Variants in PHACTR3 observed in about 807,000 individuals in gnomAD.
PHACTR3 encodes protein phosphatase 1, regulatory subunit 123.
A neutral mutation model predicts 66.8 loss-of-function variants in PHACTR3; 16 were observed. The observed-to-expected ratio is 0.24, with a 90% CI of 0.16 to 0.36. The LOEUF is 0.36. PHACTR3 is among the 10% of genes least tolerant of loss of function. The probability of loss-of-function intolerance (pLI) is 1.00; values close to 1 mark genes in which losing one functional copy is unlikely to be tolerated. For synonymous variants in PHACTR3, 323 were observed against 292.1 expected (o/e 1.11, Z -1.08); for missense variants, 647 against 719.9 (o/e 0.90, Z 1.16).
chr20:59,669,518 G>A (rs917259619), intron 1 of PHACTR3, among the ~76,000 whole-genome samples: 1 of 152,214 alleles, frequency 6.6e-6, no homozygotes, highest in African/African-American at 2.4e-5. Flanking sequence ...GCAGTGTACT[G>A]TTCAATGGTT....
chr20:59,592,104 T>C (rs2033200268), intron 1 of PHACTR3, among the ~76,000 whole-genome samples: 1 of 152,134 alleles, frequency 6.6e-6, no homozygotes, highest in African/African-American at 2.4e-5. Context: ...TTGATATTTC[T>C]ATTAACAGTG....
At chr20:59,761,262 C>A (rs888841442) in intron 4 of PHACTR3, among the ~76,000 whole-genome samples, 2 of 152,222 alleles carry the variant, frequency 1.3e-5, no homozygotes, top group Middle Eastern at 3.4e-3. Context: ...TAGCTGGTGG[C>A]TGCCCTTAAC....
intron 1 of PHACTR3, among the ~76,000 whole-genome samples, chr20:59,610,974 G>A (rs2146344091): frequency 6.6e-6 from 1 of 152,368 alleles, no homozygotes; most frequent in South Asian, 2.1e-4. Flanking sequence ...TTTCAATTTA[G>A]TGAGCTTTCC....
intron 12 of PHACTR3, 36 bp from the exon 13 acceptor site, chr20:59,847,079 T>C: frequency 7.0e-7 from 1 of 1,434,880 alleles, no homozygotes; most frequent in Non-Finnish European, 9.7e-7. Flanking sequence ...TAGAAATGAA[T>C]AACCTTAAAT....
chr20:59,606,248 C>T (rs2033664845), intron 1 of PHACTR3, among the ~76,000 whole-genome samples: 1 of 152,102 alleles, frequency 6.6e-6, no homozygotes, highest in South Asian at 2.1e-4. Context: ...ACCAGAGCTT[C>T]CCGATAAACT....
intron 1 of PHACTR3, among the ~76,000 whole-genome samples, chr20:59,649,735 T>A (rs137896560): frequency 1.4e-4 from 22 of 152,298 alleles, no homozygotes; most frequent in Admixed American, 9.2e-4. Flanking sequence ...CACTGATAAG[T>A]TGGGAGTATG....
At chr20:59,671,631 G>A (rs949024502) in intron 1 of PHACTR3, among the ~76,000 whole-genome samples, 10 of 152,210 alleles carry the variant, frequency 6.6e-5, no homozygotes, top group African/African-American at 2.2e-4. Flanking sequence ...CTCAGAGCTC[G>A]GGTACTGCTG....
At chr20:59,813,782 G>C (rs926333085) in intron 8 of PHACTR3, among the ~76,000 whole-genome samples, 30 of 152,080 alleles carry the variant, frequency 2.0e-4, no homozygotes, top group African/African-American at 7.0e-4. Flanking sequence ...CATGGGTCCA[G>C]GTGGTGGAGG....
chr20:59,687,327 G>A lies in PHACTR3; in HGVS notation c.119-55780G>A, dbSNP rs1470824042. Among the ~76,000 whole-genome samples, 4 of 152,190 alleles carry A rather than the reference G, an allele frequency of 2.6e-5. No individual in the cohort carries two copies. The East Asian group carries it at 7.7e-4, about 29-fold the overall frequency. ...TGGTGGTGAATGTGACGGTGTGATG[G>A]TGGTAATGAGGGTGATGTTGTTACC... On this transcript the variant is annotated intron_variant, in intron 1 of 12. Coordinates refer to ENST00000371015, the MANE Select transcript of PHACTR3 (RefSeq NM_080672.5).
intron 11 of PHACTR3, among the ~76,000 whole-genome samples, chr20:59,841,868 G>C (rs1265619247): frequency 6.6e-6 from 1 of 152,106 alleles, no homozygotes; most frequent in Non-Finnish European, 1.5e-5. Context: ...GGATTATCTA[G>C]TACCAAATGT....
intron 1 of PHACTR3, among the ~76,000 whole-genome samples, chr20:59,686,390 A>T (rs2036860638): frequency 2.6e-5 from 4 of 152,202 alleles, no homozygotes; most frequent in Non-Finnish European, 5.9e-5. Context: ...TGGAGGGAGG[A>T]TTAAATGAGT....
intron 1 of PHACTR3, among the ~76,000 whole-genome samples, chr20:59,717,111 T>C (rs1269568302): frequency 3.3e-5 from 5 of 152,280 alleles, no homozygotes; most frequent in Non-Finnish European, 7.3e-5. Flanking sequence ...GAAGTTGTTT[T>C]ATTCCTACAT....
intron 1 of PHACTR3, among the ~76,000 whole-genome samples, chr20:59,582,821 C>T (rs1201196671): frequency 1.3e-5 from 2 of 152,182 alleles, no homozygotes; most frequent in Admixed American, 6.5e-5. Context: ...ACCCGATCCT[C>T]CGCTGGCTGC....
At chr20:59,692,639 A>T (rs180894551) in intron 1 of PHACTR3, among the ~76,000 whole-genome samples, 2 of 152,346 alleles carry the variant, frequency 1.3e-5, no homozygotes, top group East Asian at 3.9e-4. Context: ...AGCACTAAAA[A>T]GGTGAATGCG....
chr20:59,700,933 G>A (rs1185216758), intron 1 of PHACTR3, among the ~76,000 whole-genome samples: 1 of 151,254 alleles, frequency 6.6e-6, no homozygotes, highest in East Asian at 2.0e-4. Context: ...ATGATTACAG[G>A]TGCACCACAC....
chr20:59,701,643 C>T (rs1473992342), intron 1 of PHACTR3, among the ~76,000 whole-genome samples: 1 of 152,116 alleles, frequency 6.6e-6, no homozygotes, highest in South Asian at 2.1e-4. Flanking sequence ...CATATACCTC[C>T]TCTCCCCTTC....
intron 7 of PHACTR3, among the ~76,000 whole-genome samples, chr20:59,793,327 CATTG>C (rs2041159537): frequency 6.6e-6 from 1 of 152,116 alleles, no homozygotes; most frequent in African/African-American, 2.4e-5. Flanking sequence ...TGAATAATGT[CATTG>C]GTATTTTGAT....
chr20:59,585,358 T>G (rs560866599), intron 1 of PHACTR3, among the ~76,000 whole-genome samples: 42 of 152,324 alleles, frequency 2.8e-4, no homozygotes, highest in African/African-American at 9.6e-4. Context: ...TGGGAGGGAC[T>G]CTCAGATGCT....
intron 1 of PHACTR3, among the ~76,000 whole-genome samples, chr20:59,707,784 A>G (rs979127244): frequency 2.0e-5 from 3 of 152,050 alleles, no homozygotes; most frequent in Non-Finnish European, 2.9e-5. Flanking sequence ...GACTCTTGCC[A>G]TCGAACGTGC....
Sources: gnomAD v4.1 joint callset for allele counts (sites outside exome capture counted in the v4.1 genomes callset) on GRCh38, gnomAD v4.1.1 for gene constraint, MANE v1.5 for transcripts, NCBI Gene and HGNC (gene_info 2026-07-23, HGNC 2026-07-21) for gene names.